BRAF: variants seen among roughly 807,000 people sequenced by gnomAD.
BRAF encodes B-Raf proto-oncogene, serine/threonine kinase, also known as serine/threonine-protein kinase B-raf.
In BRAF, 16 loss-of-function variants were observed where a neutral mutation model predicts 104.6. The ratio of observed to expected loss-of-function variants is 0.15; its 90% CI spans 0.10 to 0.23. The LOEUF is 0.23. Among genes scored for constraint, BRAF ranks in the 10% least tolerant of loss-of-function variants. The pLI, the probability that BRAF is intolerant of heterozygous loss-of-function variation, is 1.00. For missense variants in BRAF, 541 were observed against 937.3 expected, an observed-to-expected ratio of 0.58 and a Z score of 5.52; for synonymous variants, 310 against 341.6, an observed-to-expected ratio of 0.91 and a Z score of 1.02.
At chr7:140,836,768 G>A (rs934029477) in intron 2 of BRAF, among the ~76,000 whole-genome samples, 3 of 152,074 alleles carry the variant, frequency 2.0e-5, no homozygotes, top group African/African-American at 7.2e-5. Flanking sequence ...GGCACTGTTA[G>A]GGCTCAGACT....
At chr7:140,899,674 C>T (rs1815378495) in intron 1 of BRAF, among the ~76,000 whole-genome samples, 1 of 151,636 alleles carries the variant, frequency 6.6e-6, no homozygotes, top group Non-Finnish European at 1.5e-5. Flanking sequence ...GATTTTTTGC[C>T]CTTTTTCCAA....
Position 140,834,896 on chromosome 7 carries a change from T to C in BRAF, c.241-24A>G, listed in dbSNP as rs182742698. 1.8e-5 allele frequency: 29 copies of C among 1,613,636 alleles called. No individual in the cohort carries two copies. The African/African-American group carries it at 2.8e-4, about 16-fold the overall frequency. ...GCCTATAAAATAAAGCAGACTTATA[T>C]TCAATCCGGACTTTGTCCTGACATT... On this transcript the variant is annotated intron_variant, in intron 2 of 19. Coordinates refer to ENST00000644969, the MANE Select transcript of BRAF (RefSeq NM_001374258.1).
intron 3 of BRAF, among the ~76,000 whole-genome samples, chr7:140,812,767 C>T (rs374940956): frequency 4.6e-5 from 7 of 152,230 alleles, no homozygotes; most frequent in African/African-American, 7.2e-5. Context: ...AAGATAAAGG[C>T]AACATCTGAA....
intron 1 of BRAF, among the ~76,000 whole-genome samples, chr7:140,903,812 T>C (rs1048479634): frequency 7.2e-5 from 11 of 152,208 alleles, no homozygotes; most frequent in Admixed American, 7.2e-4. Context: ...ATGGATGACT[T>C]TGAGTTCAAA....
intron 18 of BRAF, among the ~76,000 whole-genome samples, chr7:140,736,285 T>C (rs1345524247): frequency 6.6e-6 from 1 of 151,330 alleles, no homozygotes; most frequent in East Asian, 2.0e-4. Context: ...CCCAGGCTGG[T>C]CTCGAACTCC....
At position 140,894,456 on chromosome 7, in the gene BRAF, G is replaced by C. The variant is rs1004185752; in HGVS notation, c.138+30110C>G. ...ATAAATGCATTTTTTTCAATGACAA[G>C]GTTTATATCTCATATGAAGAGATGG... On this transcript the variant is annotated intron_variant, in intron 1 of 19. Coordinates refer to ENST00000644969, the MANE Select transcript of BRAF (RefSeq NM_001374258.1). Among the ~76,000 whole-genome samples the C allele has an allele frequency of 5.9e-5, 9 of 152,040 alleles. 1 individual carries two copies. The South Asian group carries it at 1.9e-3, about 32-fold the overall frequency.
At chr7:140,923,841 A>AG (rs1460324748) in intron 1 of BRAF, among the ~76,000 whole-genome samples, 1 of 152,202 alleles carries the variant, frequency 6.6e-6, no homozygotes. Context: ...GAAGGCAGGC[A>AG]GGTCCGACAA....
chr7:140,800,003 GATAAA>G (rs1802919136), intron 7 of BRAF: 2 of 407,308 alleles, frequency 4.9e-6, no homozygotes, highest in Non-Finnish European at 9.2e-6. Context: ...TGACTGGTGT[GATAAA>G]ATAAGTTATT....
chr7:140,794,682 T>C (rs879060389), intron 7 of BRAF, among the ~76,000 whole-genome samples: 3 of 152,186 alleles, frequency 2.0e-5, no homozygotes, highest in African/African-American at 4.8e-5. Flanking sequence ...GAACTATCAA[T>C]GATAAGACCA....
chr7:140,835,772 T>A (rs1312214585), intron 2 of BRAF: 1 of 152,182 alleles, frequency 6.6e-6, no homozygotes, highest in Admixed American at 6.5e-5. Context: ...AAGTCCATAG[T>A]TCTTTTTGGC....
At position 140,722,125 on chromosome 7, in the gene BRAF, G is replaced by C; in HGVS notation, c.*4369C>G. 2 of 1,070,734 alleles carry C rather than the reference G, an allele frequency of 1.9e-6. No homozygotes were observed. Among genetic ancestry groups the C allele is most frequent in the Non-Finnish European group, 2.3e-6 (2 of 883,324 alleles). 66.3% of individuals were successfully genotyped at this position (1,070,734 alleles called of 1,614,324 possible). A position where few individuals can be genotyped will look rare whatever the true frequency, so the allele number is the denominator to read the frequency against. ...ATGCTTTGAAGAGCCTATGGGAGTAGAAAAAGTTTCTCTAGAAATGTCACT... is the reference window on the plus strand; with the variant it reads ...ATGCTTTGAAGAGCCTATGGGAGTACAAAAAGTTTCTCTAGAAATGTCACT... On this transcript the variant is annotated 3_prime_UTR_variant, in exon 20 of 20. Coordinates refer to ENST00000644969, the MANE Select transcript of BRAF (RefSeq NM_001374258.1).
At chr7:140,907,551 G>A (rs540749932) in intron 1 of BRAF, among the ~76,000 whole-genome samples, 5 of 151,856 alleles carry the variant, frequency 3.3e-5, no homozygotes, top group Admixed American at 1.3e-4. Flanking sequence ...ATAAGCCACC[G>A]TGCCCAGCCA....
chr7:140,734,369 C>A, intron 19 of BRAF: 1 of 1,373,022 alleles, frequency 7.3e-7, no homozygotes, highest in Non-Finnish European at 9.4e-7. Flanking sequence ...GAGGCTCTGC[C>A]AATTTTTAGC....
At chr7:140,713,722 T>C in the BRAF span, among the ~76,000 whole-genome samples, 1 of 152,188 alleles carries the variant, frequency 6.6e-6, no homozygotes, top group African/African-American at 2.4e-5. Flanking sequence ...CTCTGTTTTT[T>C]CCCCATCTTT....
intron 18 of BRAF, 44 bp from the exon 18 acceptor site, chr7:140,734,814 G>GA (rs535630330): frequency 3.6e-4 from 382 of 1,062,410 alleles, no homozygotes; most frequent in East Asian, 2.2e-3. Flanking sequence ...AAAGAAAAAA[G>GA]AAAAAAAAAG....
intron 1 of BRAF, among the ~76,000 whole-genome samples, chr7:140,909,156 T>C (rs1816679616): frequency 6.6e-6 from 1 of 152,232 alleles, no homozygotes; most frequent in Non-Finnish European, 1.5e-5. Context: ...CTGGGCACAG[T>C]GGTTCATGCC....
At chr7:140,896,502 G>A (rs1814915571) in intron 1 of BRAF, among the ~76,000 whole-genome samples, 1 of 152,054 alleles carries the variant, frequency 6.6e-6, no homozygotes, top group South Asian at 2.1e-4. Context: ...GCTGAGGCGG[G>A]TGGATCACCT....
intron 14 of BRAF, among the ~76,000 whole-genome samples, chr7:140,766,999 G>A (rs1343912647): frequency 6.6e-6 from 1 of 151,814 alleles, no homozygotes; most frequent in Non-Finnish European, 1.5e-5. Flanking sequence ...AGTGAAAGAT[G>A]TTTTATTTAT....
rs138643354 is a variant in BRAF, at chr7:140,795,907, G to C, written c.981-1440C>G. 1.3e-3 allele frequency among the ~76,000 whole-genome samples: 191 copies of C among 152,230 alleles called. 6 individuals are homozygous for C. In the East Asian group the frequency reaches 0.026, roughly 21 times the overall value. On this transcript the variant is annotated intron_variant, in intron 7 of 19. Coordinates refer to ENST00000644969, the MANE Select transcript of BRAF (RefSeq NM_001374258.1). ...ATTGAGAAACTTTTGGTTTCTGACA[G>C]AGCTGTCTTTATTTTTGCTTTAGGT...
Sources: gnomAD v4.1 joint callset for allele counts (sites outside exome capture counted in the v4.1 genomes callset) on GRCh38, gnomAD v4.1.1 for gene constraint, MANE v1.5 for transcripts, NCBI Gene and HGNC (gene_info 2026-07-23, HGNC 2026-07-21) for gene names.